PKHD1L1: variants seen among roughly 807,000 people sequenced by gnomAD.
PKHD1L1 encodes the protein fibrocystin-L.
In PKHD1L1, 434 loss-of-function variants were observed where a neutral mutation model predicts 462.9. The ratio of observed to expected loss-of-function variants is 0.94; its 90% confidence interval spans 0.87 to 1.02. The LOEUF (loss-of-function observed/expected upper bound fraction) is 1.02, where lower values mean the gene tolerates loss of function less well. Ranked by LOEUF, PKHD1L1 falls within the 50% of genes least tolerant of loss-of-function variation. The pLI, the probability that PKHD1L1 is intolerant of heterozygous loss-of-function variation, is 0.00. For missense variants in PKHD1L1, 5,202 were observed against 5,096.1 expected (o/e 1.02, Z -0.63); for synonymous variants, 1,781 against 1,750.0 (o/e 1.02, Z -0.44).
intron 11 of PKHD1L1, among the ~76,000 whole-genome samples, 182 bp downstream of exon 11, chr8:109,396,319 G>T (rs1812973956): frequency 1.3e-5 from 2 of 152,116 alleles, no homozygotes. Context: ...TCCAGCAAGG[G>T]TCACTCCCTG....
rs1183968028 is a variant in PKHD1L1, at chr8:109,498,348, G to A, written c.10600-114G>A. ...GATCTCCTGACCTCATGATCCACCC[G>A]CCTCGGCCTCCCAAAGTGCTGGGAT... On this transcript the variant is annotated intron_variant, in intron 65 of 77. Transcript: ENST00000378402. The A allele has an allele frequency of 2.9e-5, 8 of 273,098 alleles. 3 individuals are homozygous for A. The highest frequency in any genetic ancestry group is 1.2e-4 in the East Asian group (2 of 16,376). The allele number at this position is 273,098 out of a possible 1,614,324, so 16.9% of individuals were successfully genotyped here.
At chr8:109,455,760 T>C (rs2130801622) in intron 45 of PKHD1L1, among the ~76,000 whole-genome samples, 1 of 152,216 alleles carries the variant, frequency 6.6e-6, no homozygotes, top group East Asian at 1.9e-4. Flanking sequence ...ATTGACGTCT[T>C]CCACATTGCA....
intron 48 of PKHD1L1, among the ~76,000 whole-genome samples, chr8:109,463,347 T>C (rs1673401): frequency 0.5 from 76,309 of 151,906 alleles, 19,454 homozygotes; most frequent in South Asian, 0.68. Context: ...CTCGACTGCA[T>C]TGATGGTGAC....
In PKHD1L1 at chr8:109,413,522, A is replaced by G. The variant is rs368852331; in HGVS notation, c.2337A>G (p.Thr779=). The G allele has an allele frequency of 5.2e-6, 8 of 1,548,280 alleles. No individual in the cohort carries two copies. The African/African-American group carries it at 6.8e-5, about 13-fold the overall frequency. The stretch of plus-strand genomic sequence containing the variant: ...CTAGAAGCACTGATACACAGTTTAC[A>G]TACAACTTTGCTTATGGAAACAAGT... The part of the protein sequence containing the change: ...KITRSTDTQF[T]YNFAYGNNWT... Residue 779 remains threonine, a synonymous_variant, in exon 21 of 78, where the codon ACA becomes ACG. Transcript: ENST00000378402.
Position 109,400,090 on chromosome 8 carries a change from A to C in PKHD1L1, c.1027A>C (p.Lys343Gln), listed in dbSNP as rs2130534127. ...KTVYPGGRGLKLEVWNNSRPI... is the reference protein window; with the variant it reads ...KTVYPGGRGLQLEVWNNSRPI... Reference sequence around the variant, plus strand: ...ATTACACTTAGGAGGGAGAGGCCTGAAGCTTGAGGTGTGGAATAATAGCCG... The same window carrying C: ...ATTACACTTAGGAGGGAGAGGCCTGCAGCTTGAGGTGTGGAATAATAGCCG... Residue 343 changes from lysine to glutamine, a missense_variant, in exon 13 of 78, where the codon AAG (lysine) becomes CAG (glutamine). Coordinates refer to ENST00000378402, the MANE Select transcript of PKHD1L1 (RefSeq NM_177531.6). The C allele has an allele frequency of 1.9e-6, 3 of 1,611,734 alleles. No individual in the cohort carries two copies. In the East Asian group the frequency reaches 6.7e-5, roughly 36 times the overall value.
In PKHD1L1 at chr8:109,522,810, T is replaced by A; in HGVS notation, c.12250T>A (p.Leu4084Ile). The A allele has an allele frequency of 6.2e-7, 1 of 1,612,666 alleles. No homozygotes were observed. Among genetic ancestry groups the A allele is most frequent in the Non-Finnish European group, 8.5e-7 (1 of 1,179,460 alleles). ...VHHVAFVSSL[L>I]VITQPVAAQP... is the part of the protein sequence containing the mutation. ...TCACGTGGCCTTCGTGTCCTCACTCTTAGTGATCACTCAGCCGGTGGCAGC... is the reference window on the plus strand; with the variant it reads ...TCACGTGGCCTTCGTGTCCTCACTCATAGTGATCACTCAGCCGGTGGCAGC... The change falls in exon 75 of 78, where the codon TTA becomes ATA. Residue 4084 changes from leucine (L) to isoleucine (I), a missense_variant. Leu to Ile is a conservative substitution (Grantham distance 5). Transcript: ENST00000378402.
intron 2 of PKHD1L1, among the ~76,000 whole-genome samples, chr8:109,380,543 A>G (rs977813722): frequency 7.9e-5 from 12 of 152,208 alleles, no homozygotes; most frequent in African/African-American, 2.9e-4. Flanking sequence ...TATATAGCAT[A>G]TACCTATGTG....
At chr8:109,367,196 C>G (rs922977849) in intron 2 of PKHD1L1, among the ~76,000 whole-genome samples, 1 of 151,964 alleles carries the variant, frequency 6.6e-6, no homozygotes, top group African/African-American at 2.4e-5. Flanking sequence ...CAAAACACAC[C>G]AGAGCTTCTA....
At chr8:109,451,622 GT>G (rs1223766904) in intron 41 of PKHD1L1, among the ~76,000 whole-genome samples, 1 of 152,084 alleles carries the variant, frequency 6.6e-6, no homozygotes, top group Non-Finnish European at 1.5e-5. Flanking sequence ...TCAAATTTGT[GT>G]ACTGCATTGT....
At chr8:109,385,488 G>T in intron 5 of PKHD1L1, 49 bp from the exon 6 acceptor site, 2 of 1,259,632 alleles carry the variant, frequency 1.6e-6, no homozygotes, top group Non-Finnish European at 2.3e-6. Flanking sequence ...TAAGTGTATG[G>T]ATAGATTTTC....
chr8:109,520,585 C>T lies in PKHD1L1; in HGVS notation c.12032-1601C>T, dbSNP rs12549528. Among the ~76,000 whole-genome samples the T allele has an allele frequency of 2.8e-3, 428 of 152,140 alleles. 5 individuals are homozygous for T. Among genetic ancestry groups the T allele is most frequent in the Admixed American group, 0.019 (291 of 15,266 alleles). ...TGGCACATTTTCTAGACATAGACTG[C>T]GATAGTGTTTCAAGTCTCAAGGAGA... On this transcript the variant is annotated intron_variant, in intron 73 of 77. Transcript: ENST00000378402.
intron 9 of PKHD1L1, among the ~76,000 whole-genome samples, chr8:109,393,778 A>G (rs1812817975): frequency 6.6e-6 from 1 of 152,240 alleles, no homozygotes. Flanking sequence ...TTAGAACAAA[A>G]AGGAGGTTCT....
chr8:109,479,613 C>A lies in PKHD1L1; in HGVS notation c.9152C>A (p.Pro3051Gln), dbSNP rs746172203. ...GAAAATAATTATACTGTACCTCACC[C>A]AGGGGCAAATGTGATTATACCTGAA... ...SRENNYTVPH[P>Q]GANVIIPEGT... Residue 3051 changes from proline to glutamine, a missense_variant, in exon 54 of 78, where the codon CCA (proline) becomes CAA (glutamine). By Grantham distance (76) the Pro-to-Gln change is moderately conservative. Around this residue, in one of 3 missense-constraint regions of PKHD1L1, gnomAD observed 4,497 missense variants for 4,336.8 expected, o/e 1.04. Coordinates refer to ENST00000378402, the MANE Select transcript of PKHD1L1 (RefSeq NM_177531.6). The A allele has an allele frequency of 2.0e-6, 3 of 1,524,528 alleles. No homozygotes were observed. Among genetic ancestry groups the A allele is most frequent in the Non-Finnish European group, 2.7e-6 (3 of 1,108,726 alleles). 94.4% of individuals were successfully genotyped at this position (1,524,528 alleles called of 1,614,324 possible).
rs772697634 is a variant in PKHD1L1 at position 109,384,143 on chromosome 8, T to A, written c.475+16T>A. 6.3e-7 allele frequency: 1 copy of A among 1,580,820 alleles called. No homozygotes were observed. Among genetic ancestry groups the A allele is most frequent in the Non-Finnish European group, 8.7e-7 (1 of 1,153,514 alleles). On this transcript the variant is annotated intron_variant, in intron 5 of 77. Transcript: ENST00000378402. ...GGAACTCCAGGTCTGTTATATGACATCTGAAATAACTTTTGGTTTCATGGT... is the reference window on the plus strand; with the variant it reads ...GGAACTCCAGGTCTGTTATATGACAACTGAAATAACTTTTGGTTTCATGGT...
Position 109,445,626 on chromosome 8 carries a change from AG to A in PKHD1L1, c.5759del (p.Gly1920GlufsTer29). On this transcript the variant is annotated frameshift_variant, in exon 38 of 78. Coordinates refer to ENST00000378402, the MANE Select transcript of PKHD1L1 (RefSeq NM_177531.6). LOFTEE classifies it high-confidence loss of function. Reference sequence around the variant, plus strand: ...CCCTGGAGGATACTCCATTTCTCAGAGGAATTATCCCAAGCAGAGGTACTCC... The same window carrying A: ...CCCTGGAGGATACTCCATTTCTCAGAGAATTATCCCAAGCAGAGGTACTCC... ...YALEDTPFLR[G>X]IIPSRGPPGT... The A allele has an allele frequency of 6.2e-7, 1 of 1,607,964 alleles. No individual in the cohort carries two copies. The highest frequency in any genetic ancestry group is 1.7e-4 in the Middle Eastern group (1 of 6,060).
intron 21 of PKHD1L1, among the ~76,000 whole-genome samples, chr8:109,414,991 TA>T (rs1563751464): frequency 2.1e-4 from 31 of 147,514 alleles, no homozygotes; most frequent in African/African-American, 5.4e-4. Context: ...TTATTATTAT[TA>T]TTATTATTAT....
In PKHD1L1 at chr8:109,475,165, G is replaced by A. The variant is rs983448934; in HGVS notation, c.8653G>A (p.Gly2885Arg). 1.9e-6 allele frequency: 3 copies of A among 1,612,386 alleles called. No individual in the cohort carries two copies. Among genetic ancestry groups the A allele is most frequent in the African/African-American group, 1.3e-5 (1 of 74,832 alleles). Residue 2885 changes from glycine (G) to arginine (R), a missense_variant, in exon 51 of 78, where the codon GGA (glycine) becomes AGA (arginine). Gly to Arg is a moderately radical substitution (Grantham distance 125). Around this residue, in one of 3 missense-constraint regions of PKHD1L1, gnomAD observed 4,497 missense variants for 4,336.8 expected, o/e 1.04. Transcript: ENST00000378402. Reference protein sequence around the residue: ...FQKKRLTHMSGWMALIPNANH... With the variant: ...FQKKRLTHMSRWMALIPNANH... ...GAAGAAACGACTGACTCATATGTCTGGATGGATGGCTCTGATTCCAAATGC... is the reference window on the plus strand; with the variant it reads ...GAAGAAACGACTGACTCATATGTCTAGATGGATGGCTCTGATTCCAAATGC...
intron 39 of PKHD1L1, 34 bp from the exon 40 acceptor site, chr8:109,449,304 A>T: frequency 6.5e-7 from 1 of 1,530,746 alleles, no homozygotes; most frequent in Non-Finnish European, 8.8e-7. Context: ...TATTTTAATT[A>T]GCTTTGTTTT....
chr8:109,476,119 G>T (rs1371599935), intron 51 of PKHD1L1, among the ~76,000 whole-genome samples: 1 of 151,616 alleles, frequency 6.6e-6, no homozygotes, highest in African/African-American at 2.4e-5. Flanking sequence ...ATAAAATATT[G>T]TCTACAATTT....
Sources: gnomAD v4.1 joint callset for allele counts (sites outside exome capture counted in the v4.1 genomes callset) on GRCh38, gnomAD v4.1.1 for gene constraint, gnomAD v4.1.1 regional missense constraint, MANE v1.5 for transcripts, NCBI Gene and HGNC (gene_info 2026-07-23, HGNC 2026-07-21) for gene names.